Variants in EMP1 observed in about 807,000 individuals in gnomAD.
EMP1 encodes epithelial membrane protein 1.
A neutral mutation model predicts 15.7 loss-of-function variants in EMP1; 5 were observed. The observed-to-expected ratio is 0.32, with a 90% CI of 0.17 to 0.67. The LOEUF (loss-of-function observed/expected upper bound fraction) is 0.67, where lower values mean the gene tolerates loss of function less well. Ranked by LOEUF, EMP1 falls within the 30% of genes least tolerant of loss-of-function variation. The probability of loss-of-function intolerance (pLI) is 0.74; values close to 1 mark genes in which losing one functional copy is unlikely to be tolerated. For synonymous variants in EMP1, 78 were observed against 76.7 expected (o/e 1.02, Z -0.09); for missense variants, 166 against 194.2 (o/e 0.85, Z 0.86).
chr12:13,207,139 T>C (rs1020787833), intron 1 of EMP1, among the ~76,000 whole-genome samples: 1 of 152,076 alleles, frequency 6.6e-6, no homozygotes, highest in Non-Finnish European at 1.5e-5. Flanking sequence ...TGAGACGGAG[T>C]CTTGCTCTGT....
At position 13,218,433 on chromosome 12, in the gene EMP1, G is replaced by C. The variant is rs950653890; in HGVS notation, c.*3742G>C. The C allele has an allele frequency of 7.9e-5, 12 of 152,220 alleles. No homozygotes were observed. The highest frequency in any genetic ancestry group is 2.7e-4 in the African/African-American group (11 of 41,458). The allele number at this position is 152,220 out of a possible 1,614,324, so 9.4% of individuals were successfully genotyped here. A position where few individuals can be genotyped will look rare whatever the true frequency, so the allele number is the denominator to read the frequency against. ...AAAATGTTTAAATGTATTTAAAGAAGAGCTAGATTTTGTGGGGGGAGAGAA... is the reference window on the plus strand; with the variant it reads ...AAAATGTTTAAATGTATTTAAAGAACAGCTAGATTTTGTGGGGGGAGAGAA... On this transcript the variant is annotated 3_prime_UTR_variant, in exon 5 of 5. Coordinates refer to ENST00000256951, the MANE Select transcript of EMP1 (RefSeq NM_001423.3).
At chr12:13,198,443 C>T (rs187294512) in intron 1 of EMP1, among the ~76,000 whole-genome samples, 1 of 152,266 alleles carries the variant, frequency 6.6e-6, no homozygotes, top group East Asian at 1.9e-4. Context: ...AGAGAAGTTA[C>T]ATGTAATCAA....
intron 4 of EMP1, 140 bp downstream of exon 4, chr12:13,213,961 G>A (rs771649784): frequency 1.6e-6 from 2 of 1,259,954 alleles, no homozygotes; most frequent in Non-Finnish European, 2.3e-6. Context: ...TTGTTCTCTT[G>A]TGGAGAACCT....
intron 1 of EMP1, among the ~76,000 whole-genome samples, chr12:13,205,253 T>G (rs1464963903): frequency 6.6e-6 from 1 of 152,252 alleles, no homozygotes; most frequent in Non-Finnish European, 1.5e-5. Flanking sequence ...GCAGACAAAC[T>G]AGTGTTTAGA....
chr12:13,214,699 C>T lies in EMP1; in HGVS notation c.*8C>T, dbSNP rs549287047. The T allele has an allele frequency of 1.8e-5, 29 of 1,595,626 alleles. No homozygotes were observed. The African/African-American group carries it at 2.3e-4, about 13-fold the overall frequency. ...GTCCTGAGAAAGAAATAAGGCCGGA[C>T]GAGTTCATGGGGATCTGGGGGGTGG... is the stretch of plus-strand genomic sequence containing the variant. On this transcript the variant is annotated 3_prime_UTR_variant, in exon 5 of 5. Coordinates refer to ENST00000256951, the MANE Select transcript of EMP1 (RefSeq NM_001423.3).
At chr12:13,201,880 C>T (rs559914758) in intron 1 of EMP1, among the ~76,000 whole-genome samples, 78 of 152,190 alleles carry the variant, frequency 5.1e-4, no homozygotes, top group Admixed American at 1.0e-3. Context: ...AGAAACTCCA[C>T]CCTCTTCTTG....
intron 1 of EMP1, among the ~76,000 whole-genome samples, chr12:13,204,644 G>A (rs1462182582): frequency 6.6e-6 from 1 of 152,226 alleles, no homozygotes; most frequent in Non-Finnish European, 1.5e-5. Flanking sequence ...GGAAGGTGGT[G>A]TGGGGTCGTC....
Position 13,216,322 on chromosome 12 carries a change from G to A in EMP1, c.*1631G>A, listed in dbSNP as rs1024626897. 5 of 694,324 alleles carry A rather than the reference G, an allele frequency of 7.2e-6. No homozygotes were observed. In the African/African-American group the frequency reaches 8.8e-5, roughly 12 times the overall value. The allele number at this position is 694,324 out of a possible 1,614,324, so 43.0% of individuals were successfully genotyped here. ...TTATGCCATGATTTTTGGTATTTAT[G>A]TAAAAGGATTATTACTAATTCTATT... On this transcript the variant is annotated 3_prime_UTR_variant, in exon 5 of 5. Coordinates refer to ENST00000256951, the MANE Select transcript of EMP1 (RefSeq NM_001423.3).
At chr12:13,200,175 G>A (rs964973018) in intron 1 of EMP1, among the ~76,000 whole-genome samples, 16 of 152,148 alleles carry the variant, frequency 1.1e-4, no homozygotes, top group African/African-American at 3.4e-4. Flanking sequence ...ACTCTCAGAT[G>A]TACATACTCG....
At position 13,210,154 on chromosome 12, in the gene EMP1, A is replaced by G. The variant is rs1864151869; in HGVS notation, c.-42-1315A>G. On this transcript the variant is annotated intron_variant, in intron 1 of 4. Coordinates refer to ENST00000256951, the MANE Select transcript of EMP1 (RefSeq NM_001423.3). Reference sequence around the variant, plus strand: ...TGTGAAGTGTTGGAATTATAGTATCAGTGCTCTCTAATAAATACCTGATGT... The same window carrying G: ...TGTGAAGTGTTGGAATTATAGTATCGGTGCTCTCTAATAAATACCTGATGT... 2.0e-5 allele frequency among the ~76,000 whole-genome samples: 3 copies of G among 152,218 alleles called. No homozygotes were observed. In the South Asian group the frequency reaches 6.2e-4, roughly 32 times the overall value.
chr12:13,207,270 C>A (rs1864118742), intron 1 of EMP1, among the ~76,000 whole-genome samples: 1 of 152,088 alleles, frequency 6.6e-6, no homozygotes, highest in Admixed American at 6.6e-5. Flanking sequence ...CACCACCACG[C>A]CCGGCTAATT....
chr12:13,203,450 A>C (rs1266325480), intron 1 of EMP1, among the ~76,000 whole-genome samples: 3 of 152,238 alleles, frequency 2.0e-5, no homozygotes, highest in Non-Finnish European at 4.4e-5. Flanking sequence ...TCCCCTGGAC[A>C]CGAAGGAGGA....
At position 13,214,527 on chromosome 12, in the gene EMP1, C is replaced by T. The variant is rs747647491; in HGVS notation, c.317-7C>T. ...AACACACCGACAAATCTCCTTTTCC[C>T]CTGCAGGGCTGTGCATTCTTGTGGG... On this transcript the variant is annotated splice_region_variant and splice_polypyrimidine_tract_variant and intron_variant, in intron 4 of 4. Coordinates refer to ENST00000256951, the MANE Select transcript of EMP1 (RefSeq NM_001423.3). The T allele has an allele frequency of 4.7e-5, 75 of 1,609,626 alleles. No individual in the cohort carries two copies. Among genetic ancestry groups the T allele is most frequent in the Non-Finnish European group, 6.0e-5 (71 of 1,177,810 alleles).
In EMP1 at chr12:13,211,386, A is replaced by T; in HGVS notation, c.-42-83A>T. On this transcript the variant is annotated intron_variant, in intron 1 of 4. Coordinates refer to ENST00000256951, the MANE Select transcript of EMP1 (RefSeq NM_001423.3). This position sits in a 1 kb window ranked among gnomAD's most constrained non-coding sequence, Gnocchi z 4.7. ...TAGTGCAGCTCTTCCTCATGTTAGC[A>T]GATAGCCCACACGTGTGGGAAAGCT... 1.1e-6 allele frequency: 1 copy of T among 884,206 alleles called. No homozygotes were observed. Among genetic ancestry groups the T allele is most frequent in the East Asian group, 2.4e-5 (1 of 41,002 alleles). 54.8% of individuals were successfully genotyped at this position (884,206 alleles called of 1,614,324 possible). A position where few individuals can be genotyped will look rare whatever the true frequency, so the allele number is the denominator to read the frequency against.
Position 13,211,556 on chromosome 12 carries a change from GTTA to G in EMP1, c.51_53del (p.Ile17del), listed in dbSNP as rs1565579403. 6.2e-7 allele frequency: 1 copy of G among 1,613,468 alleles called. No individual in the cohort carries two copies. The highest frequency in any genetic ancestry group is 8.5e-7 in the Non-Finnish European group (1 of 1,179,924). ...TATCTTTGTGGTCCACATCGCTACT[GTTA>G]TTATGCTATTTGTTAGCACCATTGC... On this transcript the variant is annotated inframe_deletion, in exon 2 of 5. Transcript: ENST00000256951. This position sits in a 1 kb window ranked among gnomAD's most constrained non-coding sequence, Gnocchi z 4.7.
intron 1 of EMP1, chr12:13,199,111 G>A (rs1468967739): frequency 6.6e-6 from 1 of 152,376 alleles, no homozygotes; most frequent in Non-Finnish European, 1.5e-5. Context: ...TGTCTTGGGA[G>A]TTGGCAAAAG....
intron 1 of EMP1, among the ~76,000 whole-genome samples, chr12:13,201,132 A>G (rs1864061892): frequency 6.6e-6 from 1 of 152,134 alleles, no homozygotes; most frequent in African/African-American, 2.4e-5. Flanking sequence ...TGAGATTCTA[A>G]GATTCACCCA....
rs1864206734 is a variant in EMP1, at chr12:13,215,498, C to A, written c.*807C>A. ...ACAATTCGGTGGTAAAAGTACCACA[C>A]AAACTATGGGATCCAAGGGGCAGTC... On this transcript the variant is annotated 3_prime_UTR_variant, in exon 5 of 5. Coordinates refer to ENST00000256951, the MANE Select transcript of EMP1 (RefSeq NM_001423.3). 6.6e-6 allele frequency: 1 copy of A among 152,210 alleles called. No homozygotes were observed. Among genetic ancestry groups the A allele is most frequent in the Non-Finnish European group, 1.5e-5 (1 of 68,064 alleles). 9.4% of individuals were successfully genotyped at this position (152,210 alleles called of 1,614,324 possible). A position where few individuals can be genotyped will look rare whatever the true frequency, so the allele number is the denominator to read the frequency against.
chr12:13,206,412 C>CT (rs936748977), intron 1 of EMP1, among the ~76,000 whole-genome samples: 4 of 152,198 alleles, frequency 2.6e-5, no homozygotes, highest in African/African-American at 9.6e-5. Flanking sequence ...AATTTGAGCC[C>CT]TGAGGGCCTC....
Sources: allele counts gnomAD v4.1 joint callset (sites outside exome capture counted in the v4.1 genomes callset), GRCh38; gene constraint gnomAD v4.1.1; non-coding constraint Gnocchi (gnomAD v3.1); transcripts MANE v1.5; gene names NCBI Gene and HGNC (gene_info 2026-07-23, HGNC 2026-07-21).